Variants in SMCHD1 observed in about 807,000 individuals in gnomAD.
SMCHD1 encodes structural maintenance of chromosomes flexible hinge domain containing 1, also known as structural maintenance of chromosomes flexible hinge domain-containing protein 1.
Under a neutral mutation model 254.7 loss-of-function variants are expected in SMCHD1, and 78 were observed. The observed-to-expected ratio is 0.31, with a 90% CI of 0.26 to 0.37. The LOEUF (loss-of-function observed/expected upper bound fraction) is 0.37, where lower values mean the gene tolerates loss of function less well. Among genes scored for constraint, SMCHD1 ranks in the 10% least tolerant of loss-of-function variants. The pLI, the probability that SMCHD1 is intolerant of heterozygous loss-of-function variation, is 1.00. For synonymous variants in SMCHD1, 766 were observed against 794.9 expected (o/e 0.96, Z 0.61); for missense variants, 1,840 against 2,408.1 (o/e 0.76, Z 4.94).
At chr18:2,688,349 C>G (rs372340334) in intron 5 of SMCHD1, 45 bp from the exon 6 acceptor site, 1 of 1,398,088 alleles carries the variant, frequency 7.2e-7, no homozygotes, top group East Asian at 2.3e-5. Flanking sequence ...TCTTTTGACA[C>G]TTAACTAGCT....
At chr18:2,748,378 G>GTATATA (rs71159005) in intron 30 of SMCHD1, among the ~76,000 whole-genome samples, 10 of 55,846 alleles carry the variant, frequency 1.8e-4, no homozygotes, top group Non-Finnish European at 3.0e-4. Context: ...GTGTGTGTGT[G>GTATATA]TGTGTATATA....
At chr18:2,710,738 T>C (rs1156496145) in intron 17 of SMCHD1, among the ~76,000 whole-genome samples, 1 of 152,178 alleles carries the variant, frequency 6.6e-6, no homozygotes. Flanking sequence ...GAGAATCTTG[T>C]CCTGTTCCTG....
At chr18:2,689,190 CTCTTCTTTGTTTG>C (rs1568145790) in intron 7 of SMCHD1, among the ~76,000 whole-genome samples, 2 of 149,620 alleles carry the variant, frequency 1.3e-5, no homozygotes, top group African/African-American at 4.9e-5. Context: ...ATTCCTTCAA[CTCTTCTTTGTTTG>C]AAACATGATT....
intron 24 of SMCHD1, among the ~76,000 whole-genome samples, chr18:2,730,232 A>G (rs949132188): frequency 3.2e-4 from 49 of 152,068 alleles, no homozygotes; most frequent in African/African-American, 1.2e-3. Flanking sequence ...GTACAGTGGC[A>G]CGATCTCAGC....
rs1171435761 is a variant in SMCHD1, at chr18:2,803,424, G to C, written c.*872G>C. 2 of 151,698 alleles carry C rather than the reference G, an allele frequency of 1.3e-5. No homozygotes were observed. Among genetic ancestry groups the C allele is most frequent in the African/African-American group, 2.4e-5 (1 of 41,342 alleles). The allele number at this position is 151,698 out of a possible 1,614,324, so 9.4% of individuals were successfully genotyped here. ...GTAGAAAGTTGCTGCAAAAACATTTGAAATGTATATTAACCTAATGTATGT... is the reference window on the plus strand; with the variant it reads ...GTAGAAAGTTGCTGCAAAAACATTTCAAATGTATATTAACCTAATGTATGT... On this transcript the variant is annotated 3_prime_UTR_variant, in exon 48 of 48. Coordinates refer to ENST00000320876, the MANE Select transcript of SMCHD1 (RefSeq NM_015295.3).
intron 7 of SMCHD1, among the ~76,000 whole-genome samples, chr18:2,692,129 G>A (rs1005742736): frequency 1.3e-5 from 2 of 152,228 alleles, no homozygotes; most frequent in Non-Finnish European, 2.9e-5. Flanking sequence ...GCCCAAGAGA[G>A]TACAGTAAAA....
intron 1 of SMCHD1, among the ~76,000 whole-genome samples, chr18:2,662,224 G>T (rs374378358): frequency 0.17 from 23,345 of 134,888 alleles, 2,664 homozygotes; most frequent in South Asian, 0.25. Context: ...AAGAAAGAAA[G>T]AAAAAATAAT....
chr18:2,693,451 G>T (rs150725941), intron 7 of SMCHD1, among the ~76,000 whole-genome samples: 48 of 152,294 alleles, frequency 3.2e-4, no homozygotes, highest in African/African-American at 1.1e-3. Flanking sequence ...ACCCCAGGCA[G>T]TTGTAACAGA....
chr18:2,658,875 TAC>T (rs1418000706), intron 1 of SMCHD1, among the ~76,000 whole-genome samples: 5 of 150,104 alleles, frequency 3.3e-5, no homozygotes, highest in African/African-American at 9.9e-5. Flanking sequence ...TATACACACA[TAC>T]ACACATATAT....
In SMCHD1 at chr18:2,800,198, C is replaced by G. The variant is rs1280240468; in HGVS notation, c.5994-2330C>G. On this transcript the variant is annotated intron_variant, in intron 47 of 47. Coordinates refer to ENST00000320876, the MANE Select transcript of SMCHD1 (RefSeq NM_015295.3). ...CAGCAACTCTCCCTGTTTGGGAGTC[C>G]TGTCTCCCAAACAGGGAGAGTGGCA... is the stretch of plus-strand genomic sequence containing the variant. Among the ~76,000 whole-genome samples the G allele has an allele frequency of 5.9e-5, 9 of 151,796 alleles. No homozygotes were observed. In the East Asian group the frequency reaches 1.6e-3, roughly 26 times the overall value.
At chr18:2,749,476 T>C (rs1289486645) in intron 30 of SMCHD1, among the ~76,000 whole-genome samples, 1 of 152,224 alleles carries the variant, frequency 6.6e-6, no homozygotes, top group African/African-American at 2.4e-5. Flanking sequence ...TGTAAAAGGC[T>C]GAGAGACCCT....
intron 21 of SMCHD1, 104 bp downstream of exon 21, chr18:2,725,099 C>A: frequency 1.6e-6 from 1 of 629,660 alleles, no homozygotes; most frequent in Non-Finnish European, 2.5e-6. Flanking sequence ...TTTTAAAAAA[C>A]AGATGACAGT....
intron 8 of SMCHD1, 97 bp from the exon 9 acceptor site, chr18:2,696,935 A>G: frequency 1.7e-6 from 1 of 574,982 alleles, no homozygotes; most frequent in Non-Finnish European, 3.0e-6. Flanking sequence ...AAAGTGCTTG[A>G]TACCTAGTAA....
rs772718353 is a variant in SMCHD1 at position 2,656,138 on chromosome 18, A to T, written c.63A>T (p.Gly21=). The T allele has an allele frequency of 6.7e-7, 1 of 1,495,088 alleles. No individual in the cohort carries two copies. The highest frequency in any genetic ancestry group is 2.7e-5 in the East Asian group (1 of 36,724). The allele number at this position is 1,495,088 out of a possible 1,614,324, so 92.6% of individuals were successfully genotyped here. The change falls in exon 1 of 48, where the codon GGA becomes GGT. Residue 21 remains glycine, a synonymous_variant. Transcript: ENST00000320876. Reference sequence around the variant, plus strand: ...CTGTGGGGACTGAGGAGGATGGCGGAGGCGTCGGCCACAGGACGGTGTACT... The same window carrying T: ...CTGTGGGGACTGAGGAGGATGGCGGTGGCGTCGGCCACAGGACGGTGTACT... The part of the protein sequence containing the change: ...GASVGTEEDG[G]GVGHRTVYLF...
chr18:2,756,535 G>T (rs529811096), intron 34 of SMCHD1, among the ~76,000 whole-genome samples: 91 of 152,302 alleles, frequency 6.0e-4, no homozygotes, highest in African/African-American at 2.1e-3. Context: ...TTCAAATTCA[G>T]AAGTTATAGA....
At chr18:2,793,671 A>G (rs1387536968) in intron 45 of SMCHD1, among the ~76,000 whole-genome samples, 2 of 124,588 alleles carry the variant, frequency 1.6e-5, no homozygotes, top group Non-Finnish European at 3.4e-5. Flanking sequence ...AAAAAAAAAA[A>G]GAAAGAAAAC....
At chr18:2,731,671 A>G (rs1046467671) in intron 24 of SMCHD1, among the ~76,000 whole-genome samples, 1 of 152,228 alleles carries the variant, frequency 6.6e-6, no homozygotes, top group Non-Finnish European at 1.5e-5. Context: ...AGTATGTAAC[A>G]TAATTAAAAT....
At chr18:2,755,789 G>A (rs187620278) in intron 34 of SMCHD1, among the ~76,000 whole-genome samples, 66 of 151,368 alleles carry the variant, frequency 4.4e-4, no homozygotes, top group African/African-American at 1.5e-3. Flanking sequence ...GGATGATCTC[G>A]ATCTTCTGAC....
At chr18:2,726,551 A>C in intron 22 of SMCHD1, 27 bp downstream of exon 22, 1 of 1,080,514 alleles carries the variant, frequency 9.3e-7, no homozygotes. Context: ...AAATATAATT[A>C]TTTAAAATAA....
Sources: gnomAD v4.1 joint callset for allele counts (sites outside exome capture counted in the v4.1 genomes callset) on GRCh38, gnomAD v4.1.1 for gene constraint, MANE v1.5 for transcripts, NCBI Gene and HGNC (gene_info 2026-07-23, HGNC 2026-07-21) for gene names.